The following KCNAB2 variants were observed in gnomAD, a reference collection of about 807,000 sequenced individuals.
The protein encoded by KCNAB2 is potassium voltage-gated channel subfamily A regulatory beta subunit 2, also known as voltage-gated potassium channel subunit beta-2.
In KCNAB2, 29 loss-of-function variants were observed where a neutral mutation model predicts 63.6. That is an observed-to-expected ratio of 0.46 (90% CI 0.34 to 0.62). The LOEUF is 0.62. KCNAB2 is among the 20% of genes least tolerant of loss of function. KCNAB2 has a pLI of 0.01. For missense variants in KCNAB2, 359 were observed against 563.9 expected (o/e 0.64, Z 3.68); for synonymous variants, 222 against 224.2 (o/e 0.99, Z 0.09).
intron 1 of KCNAB2, among the ~76,000 whole-genome samples, chr1:6,013,979 G>T (rs1462015835): frequency 6.6e-6 from 1 of 152,312 alleles, no homozygotes; most frequent in African/African-American, 2.4e-5. Flanking sequence ...CTCACCAGGT[G>T]ACCAAGGCAG....
upstream of KCNAB2, among the ~76,000 whole-genome samples, chr1:6,042,838 TC>T (rs1421391853): frequency 8.1e-5 from 1 of 12,282 alleles, no homozygotes; most frequent in Non-Finnish European, 1.6e-4. Flanking sequence ...GCGCCCCCAC[TC>T]CCCACCCCCC....
At chr1:6,041,988 C>A, upstream of KCNAB2, 1 of 893,122 alleles carries the variant, frequency 1.1e-6, no homozygotes, top group Non-Finnish European at 1.8e-6. Context: ...CCAAAGCCCC[C>A]GAGACCCCCA....
At chr1:6,040,368 T>C (rs1461822392) in intron 1 of KCNAB2, 3 of 615,346 alleles carry the variant, frequency 4.9e-6, no homozygotes, top group Non-Finnish European at 9.0e-6. Flanking sequence ...CTGTCGTCTG[T>C]CTGTCTGTCT....
chr1:6,037,863 A>T (rs1188417090), intron 1 of KCNAB2, among the ~76,000 whole-genome samples: 1 of 149,222 alleles, frequency 6.7e-6, no homozygotes, highest in Non-Finnish European at 1.5e-5. Flanking sequence ...GCCTGGCCTG[A>T]ATGAGGGTCT....
chr1:6,070,943 G>C (rs1663134423), intron 2 of KCNAB2, among the ~76,000 whole-genome samples: 1 of 146,188 alleles, frequency 6.8e-6, no homozygotes, highest in Non-Finnish European at 1.5e-5. Flanking sequence ...TCTGCCTACA[G>C]GAGCAATATT....
At chr1:6,047,060 G>A (rs896859720) in intron 1 of KCNAB2, among the ~76,000 whole-genome samples, 1 of 152,242 alleles carries the variant, frequency 6.6e-6, no homozygotes, top group Non-Finnish European at 1.5e-5. Flanking sequence ...TGGGTTCCAC[G>A]TAATTAGCAA....
Position 6,082,188 on chromosome 1 carries a change from G to A in KCNAB2, c.301-7G>A, listed in dbSNP as rs190608320. The A allele has an allele frequency of 4.3e-5, 70 of 1,613,174 alleles. No homozygotes were observed. The Middle Eastern group carries it at 1.2e-3, about 27-fold the overall frequency. On this transcript the variant is annotated splice_polypyrimidine_tract_variant and splice_region_variant and intron_variant, in intron 4 of 15. Transcript: ENST00000378083. ...CTGGCAGGACAGTGTCGGTTTTCTC[G>A]TTTCAGATGGCAGAGCAGCTCATGA...
upstream of KCNAB2, among the ~76,000 whole-genome samples, chr1:6,031,117 G>C (rs1373524768): frequency 1.3e-5 from 2 of 152,158 alleles, no homozygotes; most frequent in Non-Finnish European, 2.9e-5. This position sits in a 1 kb window ranked among gnomAD's most constrained non-coding sequence, Gnocchi z 4.1. Flanking sequence ...CCCCACACCA[G>C]GTCAAATCAG....
chr1:6,017,192 G>T (rs912226362), intron 1 of KCNAB2, among the ~76,000 whole-genome samples: 2 of 152,120 alleles, frequency 1.3e-5, no homozygotes, highest in African/African-American at 2.4e-5. Context: ...TGTAGATTCT[G>T]CAAGGGTGTG....
intron 1 of KCNAB2, among the ~76,000 whole-genome samples, chr1:6,048,411 C>G (rs1661115495): frequency 6.6e-6 from 1 of 152,244 alleles, no homozygotes; most frequent in Non-Finnish European, 1.5e-5. Flanking sequence ...CAACAGGCCT[C>G]TGCCCAGCCT....
intron 5 of KCNAB2, 21 bp from the exon 6 acceptor site, chr1:6,085,183 G>A (rs373174603): frequency 2.0e-5 from 32 of 1,613,402 alleles, no homozygotes; most frequent in Non-Finnish European, 2.3e-5. Context: ...TGTGATGAGA[G>A]CTCGGTGTCT....
At chr1:6,006,803 G>A (rs1239766415) in intron 1 of KCNAB2, among the ~76,000 whole-genome samples, 2 of 148,582 alleles carry the variant, frequency 1.3e-5, no homozygotes, top group African/African-American at 5.0e-5. Flanking sequence ...CCCTCCTCTG[G>A]GCTCTGAGTT....
intron 5 of KCNAB2, among the ~76,000 whole-genome samples, chr1:6,083,927 C>T (rs1664429718): frequency 6.6e-6 from 1 of 152,252 alleles, no homozygotes. Context: ...TCTGCTGCTC[C>T]TCTGCCCCAG....
chr1:6,099,502 G>T lies in KCNAB2; in HGVS notation c.*928G>T. ...TGCTCCTAGCTGCACGGTGGCTGCT[G>T]GCCACACCACGGCAAGTGGCAGCAG... On this transcript the variant is annotated 3_prime_UTR_variant, in exon 16 of 16. Transcript: ENST00000378083. The T allele has an allele frequency of 3.1e-6, 1 of 324,184 alleles. No homozygotes were observed. Among genetic ancestry groups the T allele is most frequent in the South Asian group, 8.1e-5 (1 of 12,422 alleles). The allele number at this position is 324,184 out of a possible 1,614,324, so 20.1% of individuals were successfully genotyped here. A position where few individuals can be genotyped will look rare whatever the true frequency, so the allele number is the denominator to read the frequency against.
chr1:6,060,036 C>G (rs543963191), intron 2 of KCNAB2, among the ~76,000 whole-genome samples: 5 of 152,242 alleles, frequency 3.3e-5, no homozygotes, highest in Non-Finnish European at 7.3e-5. Flanking sequence ...CGGCCTCCCA[C>G]TGTCCCTCCG....
Position 6,086,245 on chromosome 1 carries a change from G to GCCCCCT in KCNAB2, c.425+1003_425+1008dup, listed in dbSNP as rs1664686095. 1.4e-6 allele frequency: 1 copy of GCCCCCT among 700,296 alleles called. No homozygotes were observed. The highest frequency in any genetic ancestry group is 1.7e-6 in the Non-Finnish European group (1 of 592,206). The allele number at this position is 700,296 out of a possible 1,614,324, so 43.4% of individuals were successfully genotyped here. ...AATCCCAGTGCCAAGGGGAGCCCCCGCCCCCTCCCCCATGGATTCCTGACA... is the reference window on the plus strand; with the variant it reads ...AATCCCAGTGCCAAGGGGAGCCCCCGCCCCCTCCCCCTCCCCCATGGATTCCTGACA... On this transcript the variant is annotated intron_variant, in intron 6 of 15. Transcript: ENST00000378083. This position sits in a 1 kb window ranked among gnomAD's most constrained non-coding sequence, Gnocchi z 4.2.
intron 1 of KCNAB2, among the ~76,000 whole-genome samples, chr1:6,008,569 T>C (rs1657961867): frequency 6.8e-6 from 1 of 147,826 alleles, no homozygotes; most frequent in East Asian, 2.0e-4. Context: ...GAAGTTGCAA[T>C]GAACCAAGAT....
intron 1 of KCNAB2, among the ~76,000 whole-genome samples, chr1:6,046,815 C>G (rs1168968610): frequency 1.3e-5 from 2 of 152,198 alleles, no homozygotes; most frequent in Non-Finnish European, 2.9e-5. Context: ...AAGAGATGCT[C>G]AGGGTTCCTT....
rs1665654017 is a variant in KCNAB2 at position 6,096,529 on chromosome 1, T to C, written c.949-107T>C. On this transcript the variant is annotated intron_variant, in intron 13 of 15. Coordinates refer to ENST00000378083, the MANE Select transcript of KCNAB2 (RefSeq NM_001199862.2). This position sits in a 1 kb window ranked among gnomAD's most constrained non-coding sequence, Gnocchi z 5.9. ...GGCTTCAAGATGAGAAGAGCCCCTATGAGGGAGAAGGGTCCAGAAGGAATG... is the reference window on the plus strand; with the variant it reads ...GGCTTCAAGATGAGAAGAGCCCCTACGAGGGAGAAGGGTCCAGAAGGAATG... 2.9e-6 allele frequency: 4 copies of C among 1,403,134 alleles called. No individual in the cohort carries two copies. Among genetic ancestry groups the C allele is most frequent in the Admixed American group, 2.6e-5 (1 of 38,298 alleles). The allele number at this position is 1,403,134 out of a possible 1,614,324, so 86.9% of individuals were successfully genotyped here. A position where few individuals can be genotyped will look rare whatever the true frequency, so the allele number is the denominator to read the frequency against.
Sources: allele counts gnomAD v4.1 joint callset (sites outside exome capture counted in the v4.1 genomes callset), GRCh38; gene constraint gnomAD v4.1.1; non-coding constraint Gnocchi (gnomAD v3.1); transcripts MANE v1.5; gene names NCBI Gene and HGNC (gene_info 2026-07-23, HGNC 2026-07-21).